ZEB1: variants seen among roughly 807,000 people sequenced by gnomAD.
ZEB1 encodes zinc finger E-box binding homeobox 1.
In ZEB1, 21 loss-of-function variants were observed where a neutral mutation model predicts 84.9. The ratio of observed to expected loss-of-function variants is 0.25; its 90% CI spans 0.18 to 0.36. ZEB1 has a LOEUF of 0.36. ZEB1 is among the 10% of genes least tolerant of loss of function. The pLI, the probability that ZEB1 is intolerant of heterozygous loss-of-function variation, is 1.00. For synonymous variants in ZEB1, 420 were observed against 471.1 expected (o/e 0.89, Z 1.41); for missense variants, 1,104 against 1,330.2 (o/e 0.83, Z 2.65).
At chr10:31,483,811 C>A (rs2065374149) in intron 2 of ZEB1, among the ~76,000 whole-genome samples, 1 of 152,018 alleles carries the variant, frequency 6.6e-6, no homozygotes. Flanking sequence ...TGACAACACA[C>A]TTACGATTTA....
intron 1 of ZEB1, among the ~76,000 whole-genome samples, chr10:31,393,000 A>G (rs543653035): frequency 1.3e-4 from 20 of 152,058 alleles, no homozygotes; most frequent in African/African-American, 4.3e-4. Context: ...ATGCTGAGCT[A>G]ATTTTTCTGT....
intron 1 of ZEB1, among the ~76,000 whole-genome samples, chr10:31,359,733 C>T (rs571378187): frequency 6.6e-6 from 1 of 152,198 alleles, no homozygotes; most frequent in Admixed American, 6.5e-5. Context: ...AAATTTTATT[C>T]ATCTTTATTC....
intron 8 of ZEB1, 123 bp from the exon 9 acceptor site, chr10:31,526,549 A>C: frequency 8.1e-7 from 1 of 1,242,146 alleles, no homozygotes; most frequent in Non-Finnish European, 1.1e-6. Context: ...TGGGACCTGG[A>C]AATGTTTTAA....
chr10:31,482,121 GA>G (rs2065122632), intron 2 of ZEB1, among the ~76,000 whole-genome samples: 1 of 152,018 alleles, frequency 6.6e-6, no homozygotes, highest in African/African-American at 2.4e-5. Context: ...ACCTTAACCA[GA>G]TGATCAATTA....
intron 1 of ZEB1, among the ~76,000 whole-genome samples, chr10:31,407,142 T>C (rs1200475413): frequency 1.3e-5 from 2 of 151,572 alleles, no homozygotes; most frequent in Non-Finnish European, 1.5e-5. Flanking sequence ...ATGTGCACAA[T>C]GTGCAGGTTA....
chr10:31,475,758 A>G (rs1401227149), intron 2 of ZEB1, among the ~76,000 whole-genome samples: 2 of 152,160 alleles, frequency 1.3e-5, no homozygotes, highest in African/African-American at 4.8e-5. Context: ...CATCACCACT[A>G]CACCATCTTA....
intron 1 of ZEB1, among the ~76,000 whole-genome samples, chr10:31,409,036 A>G (rs917852885): frequency 1.3e-4 from 20 of 152,216 alleles, no homozygotes; most frequent in South Asian, 2.1e-4. Context: ...AATGAACTCA[A>G]ATAAATTTAC....
chr10:31,455,369 A>G (rs553295907), intron 1 of ZEB1, among the ~76,000 whole-genome samples: 236 of 152,362 alleles, frequency 1.5e-3, no homozygotes, highest in African/African-American at 4.1e-3. Context: ...CTTCATATCT[A>G]AAACACCAAA....
chr10:31,408,690 A>G (rs1046949393), intron 1 of ZEB1, among the ~76,000 whole-genome samples: 48 of 145,378 alleles, frequency 3.3e-4, no homozygotes, highest in Non-Finnish European at 4.2e-4. Flanking sequence ...CTGGCTAGCC[A>G]TATGTAGAAA....
chr10:31,520,353 C>A lies in ZEB1; in HGVS notation c.1021C>A (p.Gln341Lys). 1 of 1,613,926 alleles carries A rather than the reference C, an allele frequency of 6.2e-7. No homozygotes were observed. Among genetic ancestry groups the A allele is most frequent in the East Asian group, 2.2e-5 (1 of 44,834 alleles). ...GATAGAGAATAAACCCCTTCAAGAA[C>A]AACTTTCTGTTAACCAAATTAAAAC... ...QKIENKPLQE[Q>K]LSVNQIKTEP... is the part of the protein sequence containing the mutation. Residue 341 changes from glutamine to lysine, a missense_variant, in exon 7 of 9, where the codon CAA becomes AAA. This residue lies in a region of ZEB1 where 111 missense variants were observed against 161.8 expected (regional missense o/e 0.69). Transcript: ENST00000424869. This position sits in a 1 kb window ranked among gnomAD's most constrained non-coding sequence, Gnocchi z 5.1.
intron 2 of ZEB1, among the ~76,000 whole-genome samples, chr10:31,489,623 A>G (rs1030653603): frequency 2.0e-5 from 3 of 151,122 alleles, no homozygotes; most frequent in Non-Finnish European, 3.0e-5. Context: ...AGTTTTGACT[A>G]TGTATCTTTG....
intron 2 of ZEB1, among the ~76,000 whole-genome samples, chr10:31,493,130 C>T (rs539461808): frequency 2.6e-5 from 4 of 151,994 alleles, no homozygotes; most frequent in South Asian, 2.1e-4. Context: ...TCTACCTTGC[C>T]GCATTCCTTA....
At chr10:31,478,711 A>G (rs1326432456) in intron 2 of ZEB1, among the ~76,000 whole-genome samples, 2 of 151,874 alleles carry the variant, frequency 1.3e-5, no homozygotes, top group Non-Finnish European at 2.9e-5. Context: ...AAGTTTCTAC[A>G]TGGATGGAGC....
intron 1 of ZEB1, among the ~76,000 whole-genome samples, chr10:31,404,348 T>C (rs2052586468): frequency 6.6e-6 from 1 of 152,144 alleles, no homozygotes; most frequent in South Asian, 2.1e-4. Flanking sequence ...TATACATTCT[T>C]TACCTGCCTG....
intron 4 of ZEB1, among the ~76,000 whole-genome samples, chr10:31,506,566 A>G (rs2069014306): frequency 6.6e-6 from 1 of 151,940 alleles, no homozygotes; most frequent in South Asian, 2.1e-4. Flanking sequence ...TTAAGAGTTT[A>G]TCTCATTATA....
chr10:31,383,552 T>C (rs2048079542), intron 1 of ZEB1, among the ~76,000 whole-genome samples: 2 of 152,224 alleles, frequency 1.3e-5, no homozygotes, highest in African/African-American at 4.8e-5. Context: ...TTTAAAATGC[T>C]AAATTTTTAA....
At chr10:31,358,329 A>G (rs1590244897) in intron 1 of ZEB1, 1 of 152,160 alleles carries the variant, frequency 6.6e-6, no homozygotes, top group East Asian at 1.9e-4. Context: ...TCCCCCATCA[A>G]GCCTGTAAGT....
At chr10:31,500,504 GA>G (rs1479241065) in intron 3 of ZEB1, among the ~76,000 whole-genome samples, 5 of 152,104 alleles carry the variant, frequency 3.3e-5, no homozygotes, top group African/African-American at 1.2e-4. Flanking sequence ...ATGCCTAATA[GA>G]AATTCATGTA....
intron 1 of ZEB1, among the ~76,000 whole-genome samples, chr10:31,434,171 T>G (rs965201777): frequency 6.6e-6 from 1 of 152,218 alleles, no homozygotes; most frequent in Non-Finnish European, 1.5e-5. Context: ...TTTTTGTTGT[T>G]GATAAGTGGG....
Sources: allele counts gnomAD v4.1 joint callset (sites outside exome capture counted in the v4.1 genomes callset), GRCh38; gene constraint gnomAD v4.1.1; regional missense constraint gnomAD v4.1.1; non-coding constraint Gnocchi (gnomAD v3.1); transcripts MANE v1.5; gene names NCBI Gene and HGNC (gene_info 2026-07-23, HGNC 2026-07-21).